The following AFF2 variants were observed in gnomAD, a reference collection of about 807,000 sequenced individuals.
The protein encoded by AFF2 is ALF transcription elongation factor 2.
A neutral mutation model predicts 76.9 loss-of-function variants in AFF2; 14 were observed. The ratio of observed to expected loss-of-function variants is 0.18; its 90% CI spans 0.12 to 0.28. The LOEUF (loss-of-function observed/expected upper bound fraction) is 0.28. Among genes scored for constraint, AFF2 ranks in the 10% least tolerant of loss-of-function variants. The pLI, the probability that AFF2 is intolerant of heterozygous loss-of-function variation, is 1.00. For missense variants in AFF2, 868 were observed against 1,001.1 expected (o/e 0.87, Z 1.79); for synonymous variants, 398 against 366.7 (o/e 1.09, Z -0.98).
chrX:148,682,150 AC>A (rs1461151581), intron 3 of AFF2, among the ~76,000 whole-genome samples: 2 of 111,948 alleles, frequency 1.8e-5, no homozygotes, highest in African/African-American at 6.5e-5. Context: ...GGCTTTGTAT[AC>A]TGTGAACGTT....
chrX:148,829,202 T>C (rs1557273136), intron 4 of AFF2, among the ~76,000 whole-genome samples: 2 of 112,632 alleles, frequency 1.8e-5, no homozygotes, highest in Non-Finnish European at 3.8e-5. Flanking sequence ...CATTTTGCAT[T>C]GACCCATTGT....
At chrX:148,681,555 T>TCA (rs1557259940) in intron 3 of AFF2, among the ~76,000 whole-genome samples, 60 of 82,251 alleles carry the variant, frequency 7.3e-4, no homozygotes, top group African/African-American at 2.7e-3. Context: ...TGTGTGTGTG[T>TCA]GTGTGTGTCA....
At chrX:148,944,351 G>C (rs1557285916) in intron 9 of AFF2, among the ~76,000 whole-genome samples, 1 of 111,794 alleles carries the variant, frequency 8.9e-6, no homozygotes, top group Non-Finnish European at 1.9e-5. Flanking sequence ...TCTTGACCTT[G>C]TTGTAGACTC....
intron 3 of AFF2, among the ~76,000 whole-genome samples, chrX:148,777,339 G>A (rs2069680759): frequency 8.9e-6 from 1 of 111,889 alleles, no homozygotes; most frequent in Admixed American, 9.5e-5. Context: ...GGCTATACGG[G>A]CTCTTTTTTG....
intron 1 of AFF2, among the ~76,000 whole-genome samples, chrX:148,562,753 C>T (rs918780409): frequency 9.0e-6 from 1 of 111,586 alleles, no homozygotes; most frequent in Non-Finnish European, 1.9e-5. Context: ...ATTCCTTCCC[C>T]TATCTCTTTT....
At chrX:148,701,011 AATGTGTGTGTGTGTGT>A (rs2054787313) in intron 3 of AFF2, among the ~76,000 whole-genome samples, 1 of 61,160 alleles carries the variant, frequency 1.6e-5, no homozygotes, top group African/African-American at 5.8e-5. Flanking sequence ...AGAGAGAGAG[AATGTGTGTGTGTGTGT>A]GTGTGTGTGT....
rs183617115 is a variant in AFF2, at chrX:148,505,265, C to A, written c.47+4121C>A. 3.6e-5 allele frequency among the ~76,000 whole-genome samples: 4 copies of A among 111,879 alleles called. No individual in the cohort carries two copies. The Admixed American group carries it at 3.8e-4, about 11-fold the overall frequency. On this transcript the variant is annotated intron_variant, in intron 1 of 20. Transcript: ENST00000370460. ...GGTCTCCTCCGCAACTCCCCAAACC[C>A]TCCAAAGAATAAAAGCTATCTCAGT...
rs782249663 is a variant in AFF2 at position 148,812,414 on chromosome X, AGGAGCT to A, written c.1086+2497_1086+2502del. 7.9e-4 allele frequency among the ~76,000 whole-genome samples: 88 copies of A among 111,712 alleles called. 5 individuals carry two copies. In the South Asian group the frequency reaches 0.032, roughly 40 times the overall value. ...GGAAGGAGCACTAGCCCCGGAGTGG[AGGAGCT>A]GGCTTCCAGTTGCTCATGAGATTCC... On this transcript the variant is annotated intron_variant, in intron 4 of 20. Coordinates refer to ENST00000370460, the MANE Select transcript of AFF2 (RefSeq NM_002025.4).
At chrX:148,983,275 G>A (rs782234989) in intron 19 of AFF2, among the ~76,000 whole-genome samples, 4 of 112,196 alleles carry the variant, frequency 3.6e-5, no homozygotes, top group Non-Finnish European at 5.6e-5. Flanking sequence ...GTGACATGGT[G>A]GAATGGAAAG....
intron 1 of AFF2, among the ~76,000 whole-genome samples, chrX:148,550,413 T>C (rs1557238733): frequency 8.9e-6 from 1 of 111,734 alleles, no homozygotes; most frequent in African/African-American, 3.3e-5. Flanking sequence ...GATAATTAAT[T>C]TTTCTTCTTT....
At chrX:148,729,146 G>A (rs2055193071) in intron 3 of AFF2, among the ~76,000 whole-genome samples, 1 of 111,996 alleles carries the variant, frequency 8.9e-6, no homozygotes, top group Non-Finnish European at 1.9e-5. Flanking sequence ...GGGTGAATCA[G>A]AAGAGAGACA....
intron 7 of AFF2, among the ~76,000 whole-genome samples, chrX:148,875,046 G>A (rs1443226162): frequency 1.8e-5 from 2 of 111,851 alleles, no homozygotes; most frequent in East Asian, 2.8e-4. Context: ...TTTCAGTCCC[G>A]TTACTCAAAA....
At chrX:148,894,079 T>G (rs2071253995) in intron 8 of AFF2, among the ~76,000 whole-genome samples, 1 of 112,028 alleles carries the variant, frequency 8.9e-6, no homozygotes, top group African/African-American at 3.2e-5. Context: ...GCACCATGTG[T>G]GCCTAACTTC....
chrX:148,661,917 G>T lies in AFF2; in HGVS notation c.190G>T (p.Gly64Cys), dbSNP rs781900431. ...PYKVAEYTNK[G>C]DALANRVQNT... is the part of the protein sequence containing the mutation. ...CTTTTTGTTATTTTAGACAAACAAA[G>T]GTGATGCACTTGCCAACCGAGTCCA... Residue 64 changes from glycine to cysteine, a missense_variant, in exon 3 of 21, where the codon GGT becomes TGT. This residue lies in a region of AFF2 where 196 missense variants were observed against 194.8 expected (regional missense o/e 1.01). Transcript: ENST00000370460. 8.3e-7 allele frequency: 1 copy of T among 1,199,134 alleles called. No homozygotes were observed.
chrX:148,778,634 C>A (rs903065860), intron 3 of AFF2, among the ~76,000 whole-genome samples: 7 of 111,518 alleles, frequency 6.3e-5, no homozygotes, highest in Non-Finnish European at 1.1e-4. Flanking sequence ...AGTTTATTTG[C>A]GTAGAGGGTT....
At chrX:148,899,289 G>T (rs1278226643) in intron 8 of AFF2, among the ~76,000 whole-genome samples, 1 of 111,948 alleles carries the variant, frequency 8.9e-6, no homozygotes, top group Non-Finnish European at 1.9e-5. Flanking sequence ...ATTTAAGCAA[G>T]TGCTGTCAGT....
At chrX:148,718,511 T>C (rs919537020) in intron 3 of AFF2, among the ~76,000 whole-genome samples, 1 of 111,186 alleles carries the variant, frequency 9.0e-6, no homozygotes, top group Non-Finnish European at 1.9e-5. Flanking sequence ...TATCTTCAAG[T>C]TCGAAATGAT....
intron 1 of AFF2, among the ~76,000 whole-genome samples, chrX:148,598,718 A>G (rs1035273445): frequency 6.2e-5 from 7 of 112,393 alleles, no homozygotes; most frequent in African/African-American, 2.3e-4. Context: ...ATAGAATCTA[A>G]TGGTTGACAA....
intron 1 of AFF2, among the ~76,000 whole-genome samples, chrX:148,502,137 C>T (rs782033368): frequency 8.9e-6 from 1 of 112,107 alleles, no homozygotes; most frequent in African/African-American, 3.2e-5. Context: ...GTATCAGATT[C>T]CCCCCGCAGT....
Sources: allele counts gnomAD v4.1 joint callset (sites outside exome capture counted in the v4.1 genomes callset), GRCh38; gene constraint gnomAD v4.1.1; regional missense constraint gnomAD v4.1.1; transcripts MANE v1.5; gene names NCBI Gene and HGNC (gene_info 2026-07-23, HGNC 2026-07-21).